Variants in DCLK2 observed in about 807,000 individuals in gnomAD.
The protein encoded by DCLK2 is serine/threonine-protein kinase DCLK2.
Under a neutral mutation model 78.4 loss-of-function variants are expected in DCLK2, and 31 were observed. The ratio of observed to expected loss-of-function variants is 0.40; its 90% CI spans 0.30 to 0.53. The LOEUF (loss-of-function observed/expected upper bound fraction) is 0.53, where lower values mean the gene tolerates loss of function less well. Ranked by LOEUF, DCLK2 falls within the 20% of genes least tolerant of loss-of-function variation. DCLK2 has a pLI of 0.61. For missense variants in DCLK2, 872 were observed against 973.7 expected (o/e 0.90, Z 1.39); for synonymous variants, 407 against 374.9 (o/e 1.09, Z -0.99).
chr4:150,170,982 G>A (rs1250879538), intron 2 of DCLK2, among the ~76,000 whole-genome samples: 2 of 152,132 alleles, frequency 1.3e-5, no homozygotes, highest in Admixed American at 6.5e-5. Flanking sequence ...TTTCGCTTCT[G>A]CAGTGGCCAG....
In DCLK2 at chr4:150,079,302, C is replaced by T. The variant is rs1445229184; in HGVS notation, c.275C>T (p.Ser92Phe). ...TTCAAGGGCCTGGTGTTTGCCATCTCCAGCGACCGCTTCCGGTCCTTCGAT... is the reference window on the plus strand; with the variant it reads ...TTCAAGGGCCTGGTGTTTGCCATCTTCAGCGACCGCTTCCGGTCCTTCGAT... ...RYFKGLVFAISSDRFRSFDAL... is the reference protein window; with the variant it reads ...RYFKGLVFAIFSDRFRSFDAL... The change falls in exon 1 of 16, where the codon TCC (serine) becomes TTC (phenylalanine). Residue 92 changes from serine to phenylalanine, a missense_variant. Ser to Phe is a radical substitution (Grantham distance 155). Around this residue, in one of 3 missense-constraint regions of DCLK2, gnomAD observed 567 missense variants for 593.4 expected, o/e 0.96. Transcript: ENST00000296550. The T allele has an allele frequency of 5.6e-6, 9 of 1,596,200 alleles. No homozygotes were observed. Among genetic ancestry groups the T allele is most frequent in the Non-Finnish European group, 7.7e-6 (9 of 1,171,788 alleles).
At chr4:150,242,580 C>T (rs535832045) in intron 12 of DCLK2, among the ~76,000 whole-genome samples, 1 of 152,182 alleles carries the variant, frequency 6.6e-6, no homozygotes, top group Non-Finnish European at 1.5e-5. Context: ...CCCACTTGCA[C>T]ACCTGGTAGG....
At chr4:150,147,817 T>C (rs1441173251) in intron 2 of DCLK2, among the ~76,000 whole-genome samples, 2 of 152,234 alleles carry the variant, frequency 1.3e-5, no homozygotes, top group African/African-American at 4.8e-5. Context: ...TTTAGTCCTA[T>C]TTTTACTTTT....
intron 2 of DCLK2, among the ~76,000 whole-genome samples, chr4:150,119,495 G>A (rs1229428015): frequency 6.6e-6 from 1 of 152,128 alleles, no homozygotes; most frequent in Non-Finnish European, 1.5e-5. Flanking sequence ...TCTATACCTG[G>A]GAAAGGCTTA....
At chr4:150,086,974 C>A (rs1403445822) in intron 1 of DCLK2, among the ~76,000 whole-genome samples, 1 of 152,138 alleles carries the variant, frequency 6.6e-6, no homozygotes, top group Non-Finnish European at 1.5e-5. Flanking sequence ...CTAATTTTTT[C>A]ATGCTTAATT....
At chr4:150,100,542 A>G (rs1002895251) in intron 1 of DCLK2, among the ~76,000 whole-genome samples, 3 of 152,156 alleles carry the variant, frequency 2.0e-5, no homozygotes, top group African/African-American at 7.2e-5. Context: ...TTTAAAAAAA[A>G]TTACCTTCTT....
At chr4:150,175,022 A>ATATATTTATATATATTTATATATT (rs1736871168) in intron 2 of DCLK2, among the ~76,000 whole-genome samples, 5 of 47,062 alleles carry the variant, frequency 1.1e-4, no homozygotes, top group African/African-American at 2.3e-4. Context: ...ATATATATAT[A>ATATATTTATATATATTTATATATT]TATATATATA....
intron 5 of DCLK2, among the ~76,000 whole-genome samples, chr4:150,219,325 G>A (rs1222324117): frequency 7.4e-6 from 1 of 134,816 alleles, no homozygotes; most frequent in East Asian, 2.2e-4. Flanking sequence ...CTGGAGCACA[G>A]TGGTACGATC....
chr4:150,083,948 C>T (rs1231895297), intron 1 of DCLK2, among the ~76,000 whole-genome samples: 1 of 152,198 alleles, frequency 6.6e-6, no homozygotes, highest in Non-Finnish European at 1.5e-5. Flanking sequence ...AATGCACATT[C>T]TCCTGGGAGA....
At chr4:150,242,949 C>T (rs1425699947) in intron 12 of DCLK2, among the ~76,000 whole-genome samples, 1 of 152,130 alleles carries the variant, frequency 6.6e-6, no homozygotes, top group Non-Finnish European at 1.5e-5. Flanking sequence ...ATCTTGATGA[C>T]AGGTGATCCT....
At position 150,190,235 on chromosome 4, in the gene DCLK2, T is replaced by TTAGATAGATAGA. The variant is rs35680371; in HGVS notation, c.757-2851_757-2840dup. ...GATAGATAGATGGATAGATGGATAG[T>TTAGATAGATAGA]TAGATAGATAGATAGATAGATAGAT... On this transcript the variant is annotated intron_variant, in intron 2 of 15. Coordinates refer to ENST00000296550, the MANE Select transcript of DCLK2 (RefSeq NM_001040260.4). Among the ~76,000 whole-genome samples the TTAGATAGATAGA allele has an allele frequency of 3.5e-5, 4 of 115,568 alleles. No individual in the cohort carries two copies. In the South Asian group the frequency reaches 8.3e-4, roughly 24 times the overall value. The allele number at this position is 115,568 out of a possible 152,430, so 75.8% of individuals were successfully genotyped here.
intron 4 of DCLK2, among the ~76,000 whole-genome samples, chr4:150,199,491 A>G (rs769383412): frequency 1.2e-4 from 19 of 152,324 alleles, no homozygotes; most frequent in Non-Finnish European, 1.9e-4. Flanking sequence ...TAATCACTGA[A>G]ATCTTAGAAT....
chr4:150,248,795 C>T (rs1743519728), intron 14 of DCLK2, among the ~76,000 whole-genome samples: 1 of 152,080 alleles, frequency 6.6e-6, no homozygotes, highest in Non-Finnish European at 1.5e-5. Flanking sequence ...CAGGAGACCT[C>T]TTGCTGTTGA....
At chr4:150,084,222 A>C (rs1477197774) in intron 1 of DCLK2, among the ~76,000 whole-genome samples, 1 of 152,254 alleles carries the variant, frequency 6.6e-6, no homozygotes, top group Admixed American at 6.5e-5. Context: ...GCCTGAGGTC[A>C]GGGATCTTAA....
In DCLK2 at chr4:150,114,720, C is replaced by T. The variant is rs147351740; in HGVS notation, c.756+11908C>T. 2.9e-3 allele frequency among the ~76,000 whole-genome samples: 441 copies of T among 152,320 alleles called. 2 individuals are homozygous for T. Among genetic ancestry groups the T allele is most frequent in the African/African-American group, 0.01 (435 of 41,578 alleles). ...GGGAGGCTAAAAATAAGACCCCACT[C>T]CCTTTTGGCTTATAAGGTTTCTGCT... On this transcript the variant is annotated intron_variant, in intron 2 of 15. Transcript: ENST00000296550.
intron 2 of DCLK2, among the ~76,000 whole-genome samples, chr4:150,190,097 C>T (rs1255396843): frequency 5.5e-5 from 8 of 144,728 alleles, no homozygotes; most frequent in South Asian, 2.2e-4. Flanking sequence ...GAAACTGAGG[C>T]AGGAGGATCA....
At chr4:150,226,025 G>A (rs1176860086) in intron 8 of DCLK2, among the ~76,000 whole-genome samples, 1 of 152,132 alleles carries the variant, frequency 6.6e-6, no homozygotes, top group African/African-American at 2.4e-5. Flanking sequence ...ATATGCCAGA[G>A]GAGTTTAGAA....
intron 15 of DCLK2, among the ~76,000 whole-genome samples, chr4:150,255,338 G>A (rs1744480152): frequency 6.6e-6 from 1 of 152,232 alleles, no homozygotes; most frequent in Admixed American, 6.5e-5. Context: ...GCAGGACCGG[G>A]GTCCCTTCCC....
At chr4:150,155,171 C>T (rs1735180531) in intron 2 of DCLK2, among the ~76,000 whole-genome samples, 1 of 152,180 alleles carries the variant, frequency 6.6e-6, no homozygotes, top group African/African-American at 2.4e-5. Flanking sequence ...GCAAAGCTTG[C>T]AGTGAGCCAT....
Sources: allele counts gnomAD v4.1 joint callset (sites outside exome capture counted in the v4.1 genomes callset), GRCh38; gene constraint gnomAD v4.1.1; regional missense constraint gnomAD v4.1.1; transcripts MANE v1.5; gene names NCBI Gene and HGNC (gene_info 2026-07-23, HGNC 2026-07-21).